The following SLC6A15 variants were observed in gnomAD, a reference collection of about 807,000 sequenced individuals.
SLC6A15 encodes sodium-dependent neutral amino acid transporter B(0)AT2.
A neutral mutation model predicts 68.5 loss-of-function variants in SLC6A15; 33 were observed. That is an observed-to-expected ratio of 0.48 (90% CI 0.37 to 0.64). The LOEUF is 0.64. SLC6A15 is among the 30% of genes least tolerant of loss of function. The pLI, the probability that SLC6A15 is intolerant of heterozygous loss-of-function variation, is 0.00. For missense variants in SLC6A15, 747 were observed against 874.3 expected, an observed-to-expected ratio of 0.85 and a Z score of 1.84; for synonymous variants, 347 against 301.0, an observed-to-expected ratio of 1.15 and a Z score of -1.58.
At chr12:84,897,493 A>AAAT (rs142863889) in intron 1 of SLC6A15, among the ~76,000 whole-genome samples, 6,234 of 152,154 alleles carry the variant, frequency 0.041, 391 homozygotes, top group African/African-American at 0.14. Context: ...TTGTATTTGC[A>AAAT]AATAATAACA....
intron 5 of SLC6A15, chr12:84,882,093 G>A (rs1010985624): frequency 7.0e-5 from 69 of 985,388 alleles, no homozygotes; most frequent in Non-Finnish European, 5.8e-5. Context: ...AGGATGAATA[G>A]TTCTTTAAGT....
At chr12:84,897,182 G>A (rs1007376757) in intron 1 of SLC6A15, among the ~76,000 whole-genome samples, 2 of 151,988 alleles carry the variant, frequency 1.3e-5, no homozygotes, top group African/African-American at 4.8e-5. Flanking sequence ...CTGAGTGACG[G>A]AGCAAGACCG....
chr12:84,891,757 A>G (rs1411949379), intron 2 of SLC6A15, 75 bp downstream of exon 2: 17 of 1,371,332 alleles, frequency 1.2e-5, no homozygotes, highest in Admixed American at 2.3e-5. Context: ...AATGAGAAAC[A>G]GCAATAATAG....
chr12:84,874,900 T>C (rs187824262), intron 6 of SLC6A15, among the ~76,000 whole-genome samples: 6 of 152,326 alleles, frequency 3.9e-5, no homozygotes, highest in Non-Finnish European at 5.9e-5. Flanking sequence ...ACTTCTCATA[T>C]TGAGTATCAC....
intron 6 of SLC6A15, among the ~76,000 whole-genome samples, chr12:84,875,675 TATATATATATATATATATATATATG>T (rs1336390177): frequency 0.49 from 208 of 424 alleles, 32 homozygotes; most frequent in Non-Finnish European, 0.54. Flanking sequence ...TATATATATA[TATATATATATATATATATATATATG>T]AGAATCAAAA....
In SLC6A15 at chr12:84,861,563, C is replaced by T; in HGVS notation, c.*69G>A. On this transcript the variant is annotated 3_prime_UTR_variant, in exon 12 of 12. Transcript: ENST00000266682. ...GCCCTCTGATAAGTGAAGCCTAATG[C>T]TTCTCCTACTAGGGCCAATGTTCAT... 6.6e-7 allele frequency: 1 copy of T among 1,513,192 alleles called. No homozygotes were observed. Among genetic ancestry groups the T allele is most frequent in the South Asian group, 1.3e-5 (1 of 76,218 alleles). 93.7% of individuals were successfully genotyped at this position (1,513,192 alleles called of 1,614,324 possible).
chr12:84,891,008 A>C (rs543244334), intron 2 of SLC6A15, among the ~76,000 whole-genome samples: 1 of 152,248 alleles, frequency 6.6e-6, no homozygotes, highest in African/African-American at 2.4e-5. Flanking sequence ...ATGTTAGTTA[A>C]ATTAAATTCA....
chr12:84,865,473 T>C (rs143292976), intron 10 of SLC6A15, among the ~76,000 whole-genome samples: 4 of 152,344 alleles, frequency 2.6e-5, no homozygotes, highest in Non-Finnish European at 5.9e-5. Flanking sequence ...CATTATTACC[T>C]AGAGCCCACA....
chr12:84,896,718 C>T (rs1872651429), intron 1 of SLC6A15, among the ~76,000 whole-genome samples: 1 of 152,004 alleles, frequency 6.6e-6, no homozygotes, highest in Non-Finnish European at 1.5e-5. Context: ...GAAACATAAG[C>T]AAAAGACATA....
chr12:84,867,340 T>C, intron 9 of SLC6A15, 147 bp from the exon 10 acceptor site: 1 of 524,764 alleles, frequency 1.9e-6, no homozygotes, highest in Non-Finnish European at 3.1e-6. Context: ...ATACATGGCA[T>C]ATAACCTATT....
chr12:84,907,820 T>C (rs1178397152), intron 1 of SLC6A15, among the ~76,000 whole-genome samples: 1 of 152,238 alleles, frequency 6.6e-6, no homozygotes, highest in African/African-American at 2.4e-5. Context: ...GGTAAATAGT[T>C]ATAAATTCTG....
At chr12:84,902,473 C>T (rs1321952271) in intron 1 of SLC6A15, among the ~76,000 whole-genome samples, 1 of 151,866 alleles carries the variant, frequency 6.6e-6, no homozygotes, top group Non-Finnish European at 1.5e-5. Context: ...ATAAAGACTT[C>T]TCATAGTAAC....
intron 8 of SLC6A15, among the ~76,000 whole-genome samples, chr12:84,871,137 A>G (rs989076015): frequency 1.3e-5 from 2 of 151,676 alleles, no homozygotes; most frequent in Non-Finnish European, 2.9e-5. Context: ...TTGTTGTTAT[A>G]TATATATATA....
At chr12:84,864,324 T>C (rs1276542729) in intron 10 of SLC6A15, among the ~76,000 whole-genome samples, 11 of 147,950 alleles carry the variant, frequency 7.4e-5, no homozygotes, top group South Asian at 2.1e-4. Context: ...TTCTTTCTTT[T>C]TTTTTTTTTT....
chr12:84,901,186 C>T (rs1442662597), intron 1 of SLC6A15, among the ~76,000 whole-genome samples: 7 of 151,348 alleles, frequency 4.6e-5, no homozygotes, highest in Non-Finnish European at 1.0e-4. Flanking sequence ...GAATTAGTTT[C>T]ATTCTTCTTT....
chr12:84,912,227 G>C (rs80142367), intron 1 of SLC6A15, among the ~76,000 whole-genome samples: 4 of 152,030 alleles, frequency 2.6e-5, no homozygotes, highest in Non-Finnish European at 5.9e-5. Flanking sequence ...TTTCCACGAC[G>C]GGAAGAAAGG....
At chr12:84,900,370 C>T (rs1429935213) in intron 1 of SLC6A15, among the ~76,000 whole-genome samples, 2 of 151,888 alleles carry the variant, frequency 1.3e-5, no homozygotes, top group African/African-American at 4.8e-5. Flanking sequence ...TCCCGAGGGA[C>T]CTCCACTTAC....
intron 1 of SLC6A15, among the ~76,000 whole-genome samples, chr12:84,897,591 C>T (rs1393907760): frequency 6.6e-6 from 1 of 152,044 alleles, no homozygotes; most frequent in Non-Finnish European, 1.5e-5. Context: ...TAAAACACTT[C>T]TCATAATATC....
chr12:84,867,052 A>G lies in SLC6A15; in HGVS notation c.1637T>C (p.Phe546Ser). 6.2e-7 allele frequency: 1 copy of G among 1,602,750 alleles called. No homozygotes were observed. The highest frequency in any genetic ancestry group is 1.1e-5 in the South Asian group (1 of 88,324). The change falls in exon 10 of 12, where the codon TTT becomes TCT. Residue 546 changes from phenylalanine to serine, a missense_variant. Transcript: ENST00000266682. The part of the protein sequence containing the change: ...VVILENIAVC[F>S]VYGIDKFMED... ...TACTTACTTATCTATGCCATAAACA[A>G]AGCATACAGCAATATTCTCCAAAAT... is the stretch of plus-strand genomic sequence containing the variant.
Sources: allele counts gnomAD v4.1 joint callset (sites outside exome capture counted in the v4.1 genomes callset), GRCh38; gene constraint gnomAD v4.1.1; transcripts MANE v1.5; gene names NCBI Gene and HGNC (gene_info 2026-07-23, HGNC 2026-07-21).